GUK1: variants seen among roughly 807,000 people sequenced by gnomAD.
GUK1 encodes guanylate kinase 1.
Under a neutral mutation model 25.2 loss-of-function variants are expected in GUK1, and 18 were observed. That is an observed-to-expected ratio of 0.71 (90% CI 0.49 to 1.06). The LOEUF is 1.06. Among genes scored for constraint, GUK1 ranks in the 50% least tolerant of loss-of-function variants. GUK1 has a pLI of 0.00. For synonymous variants in GUK1, 105 were observed against 117.6 expected, an observed-to-expected ratio of 0.89 and a Z score of 0.69; for missense variants, 261 against 276.7, an observed-to-expected ratio of 0.94 and a Z score of 0.40.
intron 1 of GUK1, 121 bp downstream of exon 1, chr1:228,140,484 C>A: frequency 1.4e-6 from 1 of 719,986 alleles, no homozygotes; most frequent in Non-Finnish European, 2.2e-6. Flanking sequence ...CGCCCTGTGC[C>A]GCATTCAACT....
chr1:228,146,889 G>A lies in GUK1; in HGVS notation c.202G>A (p.Gly68Ser), dbSNP rs139091986. ...GGTGATGCAGCGTGACATAGCAGCC[G>A]GCGACTTCATCGAGCATGCCGAGTT... Residue 68 changes from glycine to serine, a missense_variant, in exon 5 of 9, where the codon GGC becomes AGC. Transcript: ENST00000312726. 93 of 1,613,880 alleles carry A rather than the reference G, an allele frequency of 5.8e-5. 1 individual carries two copies. In the African/African-American group the frequency reaches 7.5e-4, roughly 13 times the overall value.
In GUK1 at chr1:228,148,421, C is replaced by T; in HGVS notation, c.526C>T (p.Gln176Ter). The T allele has an allele frequency of 6.4e-7, 1 of 1,564,402 alleles. No individual in the cohort carries two copies. Among genetic ancestry groups the T allele is most frequent in the Non-Finnish European group, 8.7e-7 (1 of 1,151,558 alleles). ...GGTCATCATTAACGACAGCCTGGAC[C>T]AGGCCTACGCAGAGCTGAAGGAGGC... Residue 176 changes from glutamine (Q) to a stop codon, truncating the protein, a stop_gained, in exon 8 of 9, where the codon CAG (glutamine) becomes TAG (stop). Coordinates refer to ENST00000312726, the MANE Select transcript of GUK1 (RefSeq NM_000858.7). LOFTEE classifies it high-confidence loss of function.
intron 2 of GUK1, among the ~76,000 whole-genome samples, chr1:228,142,810 G>A (rs1351626210): frequency 2.0e-5 from 3 of 152,150 alleles, no homozygotes; most frequent in East Asian, 1.9e-4. Flanking sequence ...GTTTGGGGCC[G>A]AGGAGGGGAT....
At chr1:228,140,556 G>T (rs1420446713) in intron 1 of GUK1, among the ~76,000 whole-genome samples, 193 bp downstream of exon 1, 1 of 152,230 alleles carries the variant, frequency 6.6e-6, no homozygotes, top group Non-Finnish European at 1.5e-5. Context: ...GCGGAGCCCG[G>T]GTCCCGGAGG....
At chr1:228,141,565 A>G in intron 2 of GUK1, 1 of 887,868 alleles carries the variant, frequency 1.1e-6, no homozygotes, top group Non-Finnish European at 1.4e-6. Context: ...TCAGAAGGTC[A>G]AGCCCTCTGT....
chr1:228,148,146 C>G, intron 7 of GUK1: 2 of 643,582 alleles, frequency 3.1e-6, no homozygotes, highest in Non-Finnish European at 5.8e-6. Context: ...GTGCTGGTGT[C>G]CAGACCCAAG....
Position 228,147,435 on chromosome 1 carries a change from T to C in GUK1, c.281T>C (p.Met94Thr). The C allele has an allele frequency of 1.2e-6, 2 of 1,612,614 alleles. No homozygotes were observed. The highest frequency in any genetic ancestry group is 1.7e-6 in the Non-Finnish European group (2 of 1,179,858). Reference sequence around the variant, plus strand: ...GTGGCGGTGCAGGCCGTGCAGGCCATGAACCGCATCTGTGTGCTGGACGTG... The same window carrying C: ...GTGGCGGTGCAGGCCGTGCAGGCCACGAACCGCATCTGTGTGCTGGACGTG... The change falls in exon 6 of 9, where the codon ATG (methionine) becomes ACG (threonine). Residue 94 changes from methionine to threonine, a missense_variant. Transcript: ENST00000312726.
In GUK1 at chr1:228,148,104, G is replaced by A. The variant is rs551908564; in HGVS notation, c.476-267G>A. 10 of 596,524 alleles carry A rather than the reference G, an allele frequency of 1.7e-5. No individual in the cohort carries two copies. The Middle Eastern group carries it at 1.8e-3, about 105-fold the overall frequency. The allele number at this position is 596,524 out of a possible 1,614,324, so 37.0% of individuals were successfully genotyped here. On this transcript the variant is annotated intron_variant, in intron 7 of 8. Coordinates refer to ENST00000312726, the MANE Select transcript of GUK1 (RefSeq NM_000858.7). ...TTAATGTTCTGCTGTGTGTGTAGAG[G>A]ATAGTGTAGCCCCTAACCAGAGTCC...
intron 2 of GUK1, among the ~76,000 whole-genome samples, chr1:228,142,154 G>A (rs1450233528): frequency 6.6e-6 from 1 of 151,864 alleles, no homozygotes; most frequent in African/African-American, 2.4e-5. Context: ...CGGTGGTGGT[G>A]TGGCTGTGCT....
intron 2 of GUK1, among the ~76,000 whole-genome samples, chr1:228,144,101 T>A (rs997370683): frequency 3.9e-5 from 6 of 152,074 alleles, no homozygotes; most frequent in Non-Finnish European, 7.4e-5. Flanking sequence ...TGCATGCATG[T>A]GTGTGTGTTT....
chr1:228,140,164 G>A, upstream of GUK1: 1 of 728,828 alleles, frequency 1.4e-6, no homozygotes, highest in South Asian at 1.7e-5. Context: ...ACTGAGGTAA[G>A]TACTTCCCTA....
In GUK1 at chr1:228,148,849, G is replaced by T. The variant is rs957171628; in HGVS notation, c.*152G>T. On this transcript the variant is annotated 3_prime_UTR_variant, in exon 9 of 9. Coordinates refer to ENST00000312726, the MANE Select transcript of GUK1 (RefSeq NM_000858.7). The stretch of plus-strand genomic sequence containing the variant: ...GCCCCTGTGGTTGGAACATCCTGGG[G>T]TGACCCCCGACCCAGCCTCGCTGGG... 6.5e-6 allele frequency: 10 copies of T among 1,536,608 alleles called. No individual in the cohort carries two copies. The Admixed American group carries it at 7.9e-5, about 12-fold the overall frequency.
rs202086030 is a variant in GUK1, at chr1:228,147,390, T to G, written c.252-16T>G. 3 of 1,606,204 alleles carry G rather than the reference T, an allele frequency of 1.9e-6. No homozygotes were observed. In the Admixed American group the frequency reaches 5.0e-5, roughly 27 times the overall value. On this transcript the variant is annotated splice_polypyrimidine_tract_variant and intron_variant, in intron 5 of 8. Transcript: ENST00000312726. ...GAGAGCCCTGGCACCCCTGCTGACCTGGCACCTCTCCCCAGCAAGGTGGCG... is the reference window on the plus strand; with the variant it reads ...GAGAGCCCTGGCACCCCTGCTGACCGGGCACCTCTCCCCAGCAAGGTGGCG...
chr1:228,140,348 C>G lies in GUK1; in HGVS notation c.-183C>G. Reference sequence around the variant, plus strand: ...CGGGCTGGCTGCGGCCGCCCTGGGCCGGGCCCCACCGGACGGTGAGTACGA... The same window carrying G: ...CGGGCTGGCTGCGGCCGCCCTGGGCGGGGCCCCACCGGACGGTGAGTACGA... On this transcript the variant is annotated 5_prime_UTR_variant, in exon 1 of 9. Transcript: ENST00000312726. 2.0e-6 allele frequency: 3 copies of G among 1,523,830 alleles called. No individual in the cohort carries two copies. The highest frequency in any genetic ancestry group is 1.2e-5 in the South Asian group (1 of 82,806). The allele number at this position is 1,523,830 out of a possible 1,614,324, so 94.4% of individuals were successfully genotyped here. A position where few individuals can be genotyped will look rare whatever the true frequency, so the allele number is the denominator to read the frequency against.
intron 4 of GUK1, 195 bp downstream of exon 3, chr1:228,146,262 A>G: frequency 1.7e-6 from 1 of 585,764 alleles, no homozygotes; most frequent in Non-Finnish European, 3.1e-6. Flanking sequence ...TTCCTTGGGT[A>G]CAGTGTGAGA....
chr1:228,148,820 T>G lies in GUK1; in HGVS notation c.*123T>G. The G allele has an allele frequency of 6.4e-7, 1 of 1,568,278 alleles. No homozygotes were observed. The highest frequency in any genetic ancestry group is 8.6e-7 in the Non-Finnish European group (1 of 1,156,620). ...TGGCCAGCATGTGGAGTGGAGGAGA[T>G]GCTGCCCCTGTGGTTGGAACATCCT... On this transcript the variant is annotated 3_prime_UTR_variant, in exon 9 of 9. Transcript: ENST00000312726.
In GUK1 at chr1:228,145,729, C is replaced by T. The variant is rs2034330709; in HGVS notation, c.112+105C>T. The T allele has an allele frequency of 1.4e-5, 19 of 1,362,530 alleles. No homozygotes were observed. In the South Asian group the frequency reaches 2.5e-4, roughly 18 times the overall value. 84.4% of individuals were successfully genotyped at this position (1,362,530 alleles called of 1,614,324 possible). On this transcript the variant is annotated intron_variant, in intron 3 of 8. Coordinates refer to ENST00000312726, the MANE Select transcript of GUK1 (RefSeq NM_000858.7). ...CCCAAACCCAACAGGCACACCCACC[C>T]TGCAGACTGTCCGAACTCTTGCACA...
At chr1:228,141,615 ACT>A (rs768538268) in intron 2 of GUK1, 3 of 1,130,252 alleles carry the variant, frequency 2.7e-6, no homozygotes, top group Non-Finnish European at 2.2e-6. Flanking sequence ...CAAGGTGGTG[ACT>A]CTGTTCAGTC....
At position 228,146,830 on chromosome 1, in the gene GUK1, C is replaced by A. The variant is rs1406261573; in HGVS notation, c.155-12C>A. 2.5e-6 allele frequency: 4 copies of A among 1,589,598 alleles called. No homozygotes were observed. Among genetic ancestry groups the A allele is most frequent in the Non-Finnish European group, 8.6e-7 (1 of 1,157,836 alleles). On this transcript the variant is annotated splice_polypyrimidine_tract_variant and intron_variant, in intron 4 of 8. Transcript: ENST00000312726. ...CCAGTCTGCCCTCTGGATGGCCCCT[C>A]CTCTTCCCCAGATTACTACTTTGTA...
Sources: gnomAD v4.1 joint callset for allele counts (sites outside exome capture counted in the v4.1 genomes callset) on GRCh38, gnomAD v4.1.1 for gene constraint, MANE v1.5 for transcripts, NCBI Gene and HGNC (gene_info 2026-07-23, HGNC 2026-07-21) for gene names.